Variants in C10orf90 observed in about 807,000 individuals in gnomAD.
The protein encoded by C10orf90 is chromosome 10 open reading frame 90.
A neutral mutation model predicts 62.5 loss-of-function variants in C10orf90; 56 were observed. The ratio of observed to expected loss-of-function variants is 0.90; its 90% CI spans 0.72 to 1.12. The LOEUF (loss-of-function observed/expected upper bound fraction) is 1.12. C10orf90 is among the 50% of genes most tolerant of loss of function. C10orf90 has a pLI of 0.00. For synonymous variants in C10orf90, 386 were observed against 340.4 expected (o/e 1.13, Z -1.47); for missense variants, 970 against 880.4 (o/e 1.10, Z -1.29).
chr10:126,460,853 T>C (rs1157584975), intron 6 of C10orf90, among the ~76,000 whole-genome samples: 2 of 152,236 alleles, frequency 1.3e-5, no homozygotes, highest in Admixed American at 1.3e-4. Context: ...AGGATTCCTC[T>C]GAGGTTGTTT....
chr10:126,484,630 C>A (rs1590987743), intron 4 of C10orf90, among the ~76,000 whole-genome samples: 1 of 152,172 alleles, frequency 6.6e-6, no homozygotes, highest in Non-Finnish European at 1.5e-5. Flanking sequence ...GCGCACATTA[C>A]CACGATACTT....
intron 2 of C10orf90, among the ~76,000 whole-genome samples, chr10:126,564,772 C>A (rs1176440852): frequency 8.1e-6 from 1 of 122,768 alleles, no homozygotes; most frequent in Non-Finnish European, 1.6e-5. Context: ...CAATTAAAGA[C>A]TGAAATGAAG....
intron 2 of C10orf90, among the ~76,000 whole-genome samples, chr10:126,550,925 G>A (rs1411394311): frequency 1.3e-5 from 2 of 152,220 alleles, no homozygotes; most frequent in Non-Finnish European, 2.9e-5. Context: ...GGATTAATGT[G>A]CCTCTCTTCT....
intron 2 of C10orf90, among the ~76,000 whole-genome samples, chr10:126,532,858 T>TAAAAAAAAAAAAAA (rs1864137619): frequency 4.2e-5 from 2 of 47,470 alleles, no homozygotes; most frequent in Non-Finnish European, 8.3e-5. Context: ...AAAAAAAAAA[T>TAAAAAAAAAAAAAA]AGTGAGCACA....
At chr10:126,652,777 G>A (rs962959074) in intron 1 of C10orf90, among the ~76,000 whole-genome samples, 3 of 152,112 alleles carry the variant, frequency 2.0e-5, no homozygotes, top group African/African-American at 4.8e-5. Flanking sequence ...GAACTATTTC[G>A]TATATGAAAG....
chr10:126,431,687 G>T (rs1857580313), intron 7 of C10orf90, among the ~76,000 whole-genome samples: 1 of 152,158 alleles, frequency 6.6e-6, no homozygotes, highest in African/African-American at 2.4e-5. Context: ...GTAGACAGAC[G>T]GTGTCCTGAG....
At chr10:126,502,619 T>C in intron 4 of C10orf90, 1 of 283,018 alleles carries the variant, frequency 3.5e-6, no homozygotes, top group Non-Finnish European at 7.0e-6. Flanking sequence ...TGAAAAGTAC[T>C]ATAAATCCAA....
chr10:126,516,236 G>A (rs978661930), intron 2 of C10orf90, among the ~76,000 whole-genome samples: 7 of 152,192 alleles, frequency 4.6e-5, no homozygotes, highest in Admixed American at 3.3e-4. Context: ...TTTGCCATCC[G>A]AGCACTGAGG....
chr10:126,566,251 T>C (rs1209205292), intron 2 of C10orf90, among the ~76,000 whole-genome samples: 1 of 152,212 alleles, frequency 6.6e-6, no homozygotes, highest in Non-Finnish European at 1.5e-5. Flanking sequence ...TAGCTATGAT[T>C]GAAAGACAGT....
chr10:126,522,372 C>A (rs769481626), intron 2 of C10orf90, among the ~76,000 whole-genome samples: 10 of 152,218 alleles, frequency 6.6e-5, no homozygotes, highest in Non-Finnish European at 1.5e-4. Flanking sequence ...ATGTGAGAAA[C>A]TGCATAACTT....
chr10:126,594,268 A>C (rs966220350), intron 2 of C10orf90, among the ~76,000 whole-genome samples: 1 of 152,142 alleles, frequency 6.6e-6, no homozygotes, highest in Non-Finnish European at 1.5e-5. Flanking sequence ...AGGAGCAAAA[A>C]TAGAGACAAA....
chr10:126,530,754 T>C (rs1864070121), intron 2 of C10orf90, among the ~76,000 whole-genome samples: 1 of 151,142 alleles, frequency 6.6e-6, no homozygotes. Context: ...GAAGAAAACA[T>C]GCCAACCCTA....
chr10:126,527,352 C>G lies in C10orf90; in HGVS notation c.314-13413G>C, dbSNP rs6597776. Reference sequence around the variant, plus strand: ...TTTCATGTGCTTATTGGCCATTTGCCTTTCTTCTTTGGAAAAATGTCTATC... The same window carrying G: ...TTTCATGTGCTTATTGGCCATTTGCGTTTCTTCTTTGGAAAAATGTCTATC... On this transcript the variant is annotated intron_variant, in intron 2 of 9. Coordinates refer to ENST00000488181, the MANE Select transcript of C10orf90 (RefSeq NM_001350921.2). Among the ~76,000 whole-genome samples, 190 of 152,264 alleles carry G rather than the reference C, an allele frequency of 1.2e-3. 2 individuals carry two copies. Among genetic ancestry groups the G allele is most frequent in the African/African-American group, 4.4e-3 (181 of 41,564 alleles).
intron 2 of C10orf90, among the ~76,000 whole-genome samples, chr10:126,576,826 T>G (rs1310574532): frequency 6.8e-6 from 1 of 147,970 alleles, no homozygotes; most frequent in Non-Finnish European, 1.5e-5. Flanking sequence ...ATAAAAAGAA[T>G]AAAATCTTCT....
At chr10:126,586,316 G>T (rs1402987282) in intron 2 of C10orf90, among the ~76,000 whole-genome samples, 2 of 152,206 alleles carry the variant, frequency 1.3e-5, no homozygotes, top group African/African-American at 4.8e-5. Flanking sequence ...TCACGCTGGG[G>T]CTCCCCAGCA....
intron 2 of C10orf90, among the ~76,000 whole-genome samples, chr10:126,542,991 ATG>A (rs1182652130): frequency 3.2e-4 from 49 of 152,192 alleles, no homozygotes; most frequent in African/African-American, 1.1e-3. Flanking sequence ...AAACTGTCAA[ATG>A]TGTGTTGTTG....
intron 2 of C10orf90, among the ~76,000 whole-genome samples, chr10:126,524,993 G>T (rs902842726): frequency 6.6e-6 from 1 of 152,220 alleles, no homozygotes; most frequent in Non-Finnish European, 1.5e-5. Context: ...TGCCCTTGCA[G>T]GTGGGTGGCA....
rs182774754 is a variant in C10orf90, at chr10:126,466,716, T to C, written c.1535-1730A>G. Among the ~76,000 whole-genome samples, 22 of 152,314 alleles carry C rather than the reference T, an allele frequency of 1.4e-4. No homozygotes were observed. In the East Asian group the frequency reaches 3.7e-3, roughly 25 times the overall value. On this transcript the variant is annotated intron_variant, in intron 4 of 9. Coordinates refer to ENST00000488181, the MANE Select transcript of C10orf90 (RefSeq NM_001350921.2). Reference sequence around the variant, plus strand: ...AGGGGAAGAAACCCAGCTTTCCATGTTCTTATGCACAAATAAACAAAATGT... The same window carrying C: ...AGGGGAAGAAACCCAGCTTTCCATGCTCTTATGCACAAATAAACAAAATGT...
chr10:126,584,515 G>C (rs947461248), intron 2 of C10orf90, among the ~76,000 whole-genome samples: 1 of 152,090 alleles, frequency 6.6e-6, no homozygotes, highest in African/African-American at 2.4e-5. Context: ...TCTGCACTCT[G>C]GGGACTGGGA....
Sources: allele counts gnomAD v4.1 joint callset (sites outside exome capture counted in the v4.1 genomes callset), GRCh38; gene constraint gnomAD v4.1.1; transcripts MANE v1.5; gene names NCBI Gene and HGNC (gene_info 2026-07-23, HGNC 2026-07-21).